The following BTBD8 variants were observed in gnomAD, a reference collection of about 807,000 sequenced individuals.
The protein encoded by BTBD8 is BTB domain containing 8.
Under a neutral mutation model 162.9 loss-of-function variants are expected in BTBD8, and 110 were observed. The ratio of observed to expected loss-of-function variants is 0.68; its 90% CI spans 0.58 to 0.79. The LOEUF (loss-of-function observed/expected upper bound fraction) is 0.79, where lower values mean the gene tolerates loss of function less well. BTBD8 is among the 30% of genes least tolerant of loss of function. The pLI, the probability that BTBD8 is intolerant of heterozygous loss-of-function variation, is 0.00. For missense variants in BTBD8, 1,905 were observed against 2,085.4 expected (o/e 0.91, Z 1.68); for synonymous variants, 667 against 716.1 (o/e 0.93, Z 1.10).
At chr1:92,162,162 T>C (rs1490073590) in intron 9 of BTBD8, among the ~76,000 whole-genome samples, 1 of 152,246 alleles carries the variant, frequency 6.6e-6, no homozygotes, top group African/African-American at 2.4e-5. Context: ...ATGTTTGTAC[T>C]CAAACTATTG....
At chr1:92,083,542 T>A (rs1445821225) in intron 1 of BTBD8, among the ~76,000 whole-genome samples, 1 of 152,118 alleles carries the variant, frequency 6.6e-6, no homozygotes, top group Non-Finnish European at 1.5e-5. Context: ...GGTAGCTTTA[T>A]TCGGAAGGAG....
At chr1:92,121,073 C>G (rs936947236) in intron 4 of BTBD8, among the ~76,000 whole-genome samples, 1 of 152,134 alleles carries the variant, frequency 6.6e-6, no homozygotes, top group Non-Finnish European at 1.5e-5. Flanking sequence ...CCAAAATTGC[C>G]TAAATTTTTA....
intron 4 of BTBD8, among the ~76,000 whole-genome samples, chr1:92,129,299 ATAG>A (rs1649448662): frequency 6.6e-6 from 1 of 152,158 alleles, no homozygotes. Context: ...TCTGGACAAC[ATAG>A]TGAGACCCCA....
intron 3 of BTBD8, 55 bp downstream of exon 3, chr1:92,102,724 A>G (rs1009309203): frequency 1.5e-6 from 2 of 1,327,934 alleles, no homozygotes; most frequent in Non-Finnish European, 2.0e-6. Flanking sequence ...TTATATTCTG[A>G]TACAGTTAGA....
intron 9 of BTBD8, among the ~76,000 whole-genome samples, chr1:92,158,949 G>T (rs1650222838): frequency 6.6e-6 from 1 of 151,978 alleles, no homozygotes; most frequent in African/African-American, 2.4e-5. Flanking sequence ...TAGAGAAATG[G>T]TTTCACCATG....
chr1:92,112,752 G>A lies in BTBD8; in HGVS notation c.662+4751G>A, dbSNP rs530722060. Among the ~76,000 whole-genome samples the A allele has an allele frequency of 1.2e-3, 180 of 152,240 alleles. 1 individual carries two copies. The highest frequency in any genetic ancestry group is 4.0e-3 in the African/African-American group (167 of 41,544). ...GTTAACTTTGCTTTTACAAAGTTAT[G>A]TTCTCTAAAGTATTTGATAAGAAGT... On this transcript the variant is annotated intron_variant, in intron 4 of 17. Coordinates refer to ENST00000636805, the MANE Select transcript of BTBD8 (RefSeq NM_001376131.1).
chr1:92,138,720 A>G (rs1003523826), intron 5 of BTBD8, among the ~76,000 whole-genome samples: 2 of 152,230 alleles, frequency 1.3e-5, no homozygotes, highest in African/African-American at 4.8e-5. Flanking sequence ...GACGCTATGT[A>G]GCAGTGCTCT....
chr1:92,099,054 T>C (rs964322971), intron 2 of BTBD8, among the ~76,000 whole-genome samples: 1 of 152,214 alleles, frequency 6.6e-6, no homozygotes, highest in Non-Finnish European at 1.5e-5. Flanking sequence ...TTTGATCTAT[T>C]CTGGTGAATT....
rs547306940 is a variant in BTBD8, at chr1:92,129,197, G to A, written c.663-490G>A. On this transcript the variant is annotated intron_variant, in intron 4 of 17. Coordinates refer to ENST00000636805, the MANE Select transcript of BTBD8 (RefSeq NM_001376131.1). Reference sequence around the variant, plus strand: ...AAAAAAAAAGACAGCAAGGGCATTGGAATTAATGTTTTAAACAATCAAAAT... The same window carrying A: ...AAAAAAAAAGACAGCAAGGGCATTGAAATTAATGTTTTAAACAATCAAAAT... 5.8e-4 allele frequency among the ~76,000 whole-genome samples: 88 copies of A among 152,132 alleles called. 1 individual carries two copies. The Middle Eastern group carries it at 0.024, about 41-fold the overall frequency.
chr1:92,151,308 T>C (rs901098390), intron 9 of BTBD8, among the ~76,000 whole-genome samples: 4 of 150,046 alleles, frequency 2.7e-5, no homozygotes, highest in Admixed American at 2.0e-4. Flanking sequence ...AAGCTGGGAT[T>C]GTGCCATTCC....
intron 16 of BTBD8, 60 bp downstream of exon 16, chr1:92,178,511 CAA>C: frequency 7.2e-7 from 1 of 1,379,470 alleles, no homozygotes; most frequent in Non-Finnish European, 9.7e-7. Flanking sequence ...CTGGATAAGC[CAA>C]ACTCTGATTT....
chr1:92,080,764 C>T (rs1340200420), intron 1 of BTBD8, 44 bp downstream of exon 1: 1 of 1,569,078 alleles, frequency 6.4e-7, no homozygotes, highest in Non-Finnish European at 8.6e-7. Flanking sequence ...TCCTAAATCG[C>T]CCACCTCCGC....
At chr1:92,093,412 G>A (rs1002811239) in intron 2 of BTBD8, among the ~76,000 whole-genome samples, 11 of 151,934 alleles carry the variant, frequency 7.2e-5, no homozygotes, top group East Asian at 3.9e-4. Flanking sequence ...GGTTGGTCTC[G>A]AACTCCCGAC....
intron 2 of BTBD8, among the ~76,000 whole-genome samples, chr1:92,097,474 A>G (rs4658127): frequency 0.62 from 93,627 of 151,902 alleles, 29,456 homozygotes; most frequent in East Asian, 0.97. Context: ...TGTGCCACCA[A>G]CATCACTAAT....
rs980159648 is a variant in BTBD8, at chr1:92,154,633, C to T, written c.1122+6847C>T. 1.1e-4 allele frequency among the ~76,000 whole-genome samples: 16 copies of T among 152,102 alleles called. 1 individual carries two copies. Among genetic ancestry groups the T allele is most frequent in the African/African-American group, 3.9e-4 (16 of 41,422 alleles). On this transcript the variant is annotated intron_variant, in intron 9 of 17. Coordinates refer to ENST00000636805, the MANE Select transcript of BTBD8 (RefSeq NM_001376131.1). Reference sequence around the variant, plus strand: ...TTCAGCCAATTTTTAACAGTGTTATCAGATTTTTGCTATTAAATTGTAGGA... The same window carrying T: ...TTCAGCCAATTTTTAACAGTGTTATTAGATTTTTGCTATTAAATTGTAGGA...
chr1:92,179,239 C>CTAA (rs1293238904), intron 16 of BTBD8, among the ~76,000 whole-genome samples: 1 of 92,680 alleles, frequency 1.1e-5, no homozygotes. Context: ...GAGCGAGACT[C>CTAA]TATCTCAAAA....
chr1:92,166,210 A>G (rs991608921), intron 9 of BTBD8, among the ~76,000 whole-genome samples: 1 of 152,170 alleles, frequency 6.6e-6, no homozygotes, highest in Non-Finnish European at 1.5e-5. Context: ...CCTGGGGATT[A>G]TAAGTAATTT....
chr1:92,166,495 G>A (rs2100667407), intron 9 of BTBD8, among the ~76,000 whole-genome samples: 1 of 142,364 alleles, frequency 7.0e-6, no homozygotes, highest in South Asian at 2.2e-4. Context: ...TGCGATCTCA[G>A]CTCACTGCAA....
chr1:92,147,646 C>A (rs752398616), intron 8 of BTBD8, 38 bp from the exon 9 acceptor site: 1 of 1,514,288 alleles, frequency 6.6e-7, no homozygotes, highest in South Asian at 1.2e-5. Context: ...TGAAAAACAT[C>A]TTAATTTCTT....
Sources: gnomAD v4.1 joint callset for allele counts (sites outside exome capture counted in the v4.1 genomes callset) on GRCh38, gnomAD v4.1.1 for gene constraint, MANE v1.5 for transcripts, NCBI Gene and HGNC (gene_info 2026-07-23, HGNC 2026-07-21) for gene names.